KCNC2: variants seen among roughly 807,000 people sequenced by gnomAD.
KCNC2 encodes the protein voltage-gated potassium channel KCNC2.
In KCNC2, 21 loss-of-function variants were observed where a neutral mutation model predicts 44.5. That is an observed-to-expected ratio of 0.47 (90% confidence interval 0.33 to 0.68). The LOEUF is 0.68. Ranked by LOEUF, KCNC2 falls within the 30% of genes least tolerant of loss-of-function variation. The probability of loss-of-function intolerance (pLI) is 0.01; values close to 1 mark genes in which losing one functional copy is unlikely to be tolerated. For missense variants in KCNC2, 589 were observed against 826.2 expected, an observed-to-expected ratio of 0.71 and a Z score of 3.52; for synonymous variants, 391 against 339.1, an observed-to-expected ratio of 1.15 and a Z score of -1.68.
chr12:75,159,263 T>C (rs1432574948), intron 2 of KCNC2, among the ~76,000 whole-genome samples: 3 of 151,728 alleles, frequency 2.0e-5, no homozygotes, highest in Non-Finnish European at 4.4e-5. Context: ...GAATTTAAAG[T>C]ATAATAAAAA....
At chr12:75,077,088 A>G (rs773458458) in intron 2 of KCNC2, among the ~76,000 whole-genome samples, 11 of 152,170 alleles carry the variant, frequency 7.2e-5, no homozygotes, top group Admixed American at 2.6e-4. Context: ...AACATATTCA[A>G]CATCTCACAT....
At chr12:75,084,888 A>C (rs1206676213) in intron 2 of KCNC2, among the ~76,000 whole-genome samples, 1 of 151,168 alleles carries the variant, frequency 6.6e-6, no homozygotes, top group Non-Finnish European at 1.5e-5. Context: ...CCCCTGTAGC[A>C]TTATCTATAG....
intron 2 of KCNC2, among the ~76,000 whole-genome samples, chr12:75,102,567 T>C (rs1352074694): frequency 6.6e-6 from 1 of 152,104 alleles, no homozygotes; most frequent in East Asian, 1.9e-4. Flanking sequence ...ACTCCTTTCA[T>C]AATATTTATT....
chr12:75,202,897 TTATTACAAATAGAG>T (rs1202067072), intron 2 of KCNC2, among the ~76,000 whole-genome samples: 39 of 151,702 alleles, frequency 2.6e-4, no homozygotes, highest in African/African-American at 8.9e-4. Flanking sequence ...AGGAAACGTT[TTATTACAAATAGAG>T]AGGTGAGCTC....
In KCNC2 at chr12:75,144,022, A is replaced by G. The variant is rs192412521; in HGVS notation, c.687+63275T>C. 2.2e-4 allele frequency among the ~76,000 whole-genome samples: 33 copies of G among 152,318 alleles called. 1 individual carries two copies. In the East Asian group the frequency reaches 6.4e-3, roughly 29 times the overall value. On this transcript the variant is annotated intron_variant, in intron 2 of 4. Transcript: ENST00000549446. ...ATTACCTAGGAAAACATCACCATTC[A>G]TGGTGAACATCCATTTTTATATGAC...
intron 2 of KCNC2, among the ~76,000 whole-genome samples, chr12:75,201,526 A>C (rs997262906): frequency 6.6e-6 from 1 of 151,818 alleles, no homozygotes; most frequent in African/African-American, 2.4e-5. Context: ...TAGGAAGATG[A>C]AGTAAATTCT....
At position 75,169,466 on chromosome 12, in the gene KCNC2, T is replaced by C. The variant is rs558405773; in HGVS notation, c.687+37831A>G. On this transcript the variant is annotated intron_variant, in intron 2 of 4. Transcript: ENST00000549446. The stretch of plus-strand genomic sequence containing the variant: ...TGATAATTTATTCTTTTAAAATTTA[T>C]GAAATCAAAAGAGATATAGGAAGAT... Among the ~76,000 whole-genome samples the C allele has an allele frequency of 2.3e-3, 342 of 151,710 alleles. 2 individuals are homozygous for C. Among genetic ancestry groups the C allele is most frequent in the African/African-American group, 7.4e-3 (308 of 41,506 alleles).
intron 2 of KCNC2, among the ~76,000 whole-genome samples, chr12:75,129,926 T>C (rs1243955183): frequency 2.0e-5 from 3 of 152,216 alleles, no homozygotes; most frequent in Non-Finnish European, 4.4e-5. Flanking sequence ...ATCTCATGAA[T>C]AGTTTCCTAA....
At chr12:75,152,634 C>T (rs757534932) in intron 2 of KCNC2, among the ~76,000 whole-genome samples, 110 of 151,982 alleles carry the variant, frequency 7.2e-4, no homozygotes, top group Non-Finnish European at 1.2e-3. Flanking sequence ...TTTAAACAAA[C>T]ATTAATCGTA....
At chr12:75,094,986 T>A (rs1041353095) in intron 2 of KCNC2, among the ~76,000 whole-genome samples, 4 of 151,836 alleles carry the variant, frequency 2.6e-5, no homozygotes, top group Admixed American at 6.6e-5. Context: ...AATAATAAAT[T>A]AACAACTTCT....
At chr12:75,081,031 T>A (rs1000076528) in intron 2 of KCNC2, among the ~76,000 whole-genome samples, 22 of 152,160 alleles carry the variant, frequency 1.4e-4, no homozygotes, top group Non-Finnish European at 2.8e-4. Flanking sequence ...TAGCCGAGGA[T>A]AAAATTTACA....
intron 2 of KCNC2, among the ~76,000 whole-genome samples, chr12:75,081,247 T>C (rs1014774192): frequency 1.3e-5 from 2 of 152,092 alleles, no homozygotes; most frequent in African/African-American, 4.8e-5. Flanking sequence ...ATCAGGGCTC[T>C]GGCACATCAA....
intron 2 of KCNC2, among the ~76,000 whole-genome samples, chr12:75,086,889 T>C (rs1443202457): frequency 6.6e-6 from 1 of 151,828 alleles, no homozygotes; most frequent in Non-Finnish European, 1.5e-5. Flanking sequence ...TGAATAGCTA[T>C]GACATATTTT....
intron 2 of KCNC2, among the ~76,000 whole-genome samples, chr12:75,178,294 T>C (rs1432823806): frequency 6.6e-6 from 1 of 151,960 alleles, no homozygotes; most frequent in African/African-American, 2.4e-5. Flanking sequence ...CTAGCTGTCA[T>C]TAGAAAATAG....
intron 2 of KCNC2, among the ~76,000 whole-genome samples, chr12:75,081,117 C>T (rs910786577): frequency 1.3e-5 from 2 of 152,040 alleles, no homozygotes; most frequent in African/African-American, 4.8e-5. Flanking sequence ...TAACTATATC[C>T]TCAGTATTCA....
intron 2 of KCNC2, among the ~76,000 whole-genome samples, chr12:75,171,120 C>T (rs1251109434): frequency 1.3e-5 from 2 of 151,734 alleles, no homozygotes; most frequent in African/African-American, 2.4e-5. Context: ...CTGTATCTGA[C>T]CTCTAGACTC....
chr12:75,084,294 A>AGATT (rs1218678023), intron 2 of KCNC2, among the ~76,000 whole-genome samples: 40 of 122,748 alleles, frequency 3.3e-4, no homozygotes, highest in Non-Finnish European at 1.6e-4. Flanking sequence ...GATAGATGAT[A>AGATT]GATAGATAGA....
At chr12:75,197,623 A>C (rs2030887377) in intron 2 of KCNC2, among the ~76,000 whole-genome samples, 1 of 152,034 alleles carries the variant, frequency 6.6e-6, no homozygotes, top group African/African-American at 2.4e-5. Context: ...AACATAACCT[A>C]GTTCTGGCCA....
intron 2 of KCNC2, among the ~76,000 whole-genome samples, chr12:75,142,395 C>G (rs1889717215): frequency 6.6e-6 from 1 of 152,126 alleles, no homozygotes; most frequent in Admixed American, 6.5e-5. Flanking sequence ...ATAATAAAAA[C>G]AATAGAATCT....
Sources: allele counts gnomAD v4.1 joint callset (sites outside exome capture counted in the v4.1 genomes callset), GRCh38; gene constraint gnomAD v4.1.1; transcripts MANE v1.5; gene names NCBI Gene and HGNC (gene_info 2026-07-23, HGNC 2026-07-21).